RANBP3L: variants seen among roughly 807,000 people sequenced by gnomAD.
RANBP3L encodes RAN binding protein 3 like, also known as ran-binding protein 3-like.
RANBP3L carries 56 observed loss-of-function variants against 67.2 expected under a neutral mutation model. The observed-to-expected ratio is 0.83, with a 90% CI of 0.67 to 1.04. The LOEUF (loss-of-function observed/expected upper bound fraction) is 1.04, where lower values mean the gene tolerates loss of function less well. RANBP3L is among the 50% of genes least tolerant of loss of function. The pLI is 0.00. For synonymous variants in RANBP3L, 164 were observed against 181.4 expected (o/e 0.90, Z 0.77); for missense variants, 496 against 535.5 (o/e 0.93, Z 0.73).
chr5:36,272,226 C>T (rs187159643), intron 1 of RANBP3L, among the ~76,000 whole-genome samples: 129 of 152,030 alleles, frequency 8.5e-4, no homozygotes, highest in African/African-American at 3.0e-3. Flanking sequence ...TTAACAAAAA[C>T]AAAAAAGCCT....
intron 1 of RANBP3L, among the ~76,000 whole-genome samples, chr5:36,286,845 T>C (rs1047411325): frequency 6.6e-6 from 1 of 152,210 alleles, no homozygotes; most frequent in Non-Finnish European, 1.5e-5. Flanking sequence ...CTCCCTCACC[T>C]CTTACAGGTC....
intron 1 of RANBP3L, among the ~76,000 whole-genome samples, chr5:36,289,518 C>T (rs1043056683): frequency 3.9e-5 from 6 of 152,106 alleles, no homozygotes; most frequent in Non-Finnish European, 7.4e-5. Flanking sequence ...TTGAGCATTC[C>T]AATTCATGAA....
chr5:36,275,212 T>C (rs868754748), intron 1 of RANBP3L, among the ~76,000 whole-genome samples: 11 of 152,326 alleles, frequency 7.2e-5, no homozygotes, highest in Middle Eastern at 6.8e-3. Flanking sequence ...ACACTGTGGG[T>C]CAAGTGCTTT....
intron 3 of RANBP3L, 71 bp downstream of exon 3, chr5:36,269,880 C>A: frequency 7.9e-7 from 1 of 1,262,824 alleles, no homozygotes; most frequent in Non-Finnish European, 1.2e-6. Context: ...GTGCCACATG[C>A]CAAAATACTT....
At chr5:36,296,141 C>T (rs138016291) in intron 1 of RANBP3L, among the ~76,000 whole-genome samples, 216 of 152,176 alleles carry the variant, frequency 1.4e-3, no homozygotes, top group African/African-American at 5.0e-3. Context: ...CATTTGTATA[C>T]CTTATAATGA....
intron 4 of RANBP3L, among the ~76,000 whole-genome samples, chr5:36,267,713 T>C (rs1376070330): frequency 6.6e-6 from 1 of 152,184 alleles, no homozygotes; most frequent in Non-Finnish European, 1.5e-5. Flanking sequence ...TTTCAAATAT[T>C]TTATTATGAT....
At chr5:36,250,487 A>G (rs1223245188) in intron 13 of RANBP3L, among the ~76,000 whole-genome samples, 3 of 152,050 alleles carry the variant, frequency 2.0e-5, no homozygotes, top group East Asian at 3.8e-4. Flanking sequence ...CTTAAATTAC[A>G]TATGATTAAA....
intron 1 of RANBP3L, among the ~76,000 whole-genome samples, chr5:36,286,953 T>C (rs532477960): frequency 6.6e-6 from 1 of 152,288 alleles, no homozygotes; most frequent in East Asian, 1.9e-4. Context: ...TAATTTTTTT[T>C]CCATAATTCC....
rs1160179745 is a variant in RANBP3L, at chr5:36,256,940, C to A, written c.903+1G>T. 7 of 1,611,954 alleles carry A rather than the reference C, an allele frequency of 4.3e-6. No individual in the cohort carries two copies. The East Asian group carries it at 1.1e-4, about 26-fold the overall frequency. On this transcript the variant is annotated splice_donor_variant, in intron 10 of 13. Coordinates refer to ENST00000296604, the MANE Select transcript of RANBP3L (RefSeq NM_145000.5). LOFTEE classifies it high-confidence loss of function. ...GAAAGAGTAAAACATGATATACAGA[C>A]CTTTAACACATTATGTTCTGTTTCC...
At chr5:36,252,554 T>C (rs1748669091) in intron 12 of RANBP3L, among the ~76,000 whole-genome samples, 1 of 152,112 alleles carries the variant, frequency 6.6e-6, no homozygotes, top group South Asian at 2.1e-4. Context: ...CCGAAGGTTA[T>C]ACGGTATGTA....
In RANBP3L at chr5:36,254,871, T is replaced by A. The variant is rs1211186466; in HGVS notation, c.1024+599A>T. ...TATTTTGAATGCTAGCTCTCTTGTA[T>A]TTTTAGGTTTGACTGGCTCCAGCTT... is the stretch of plus-strand genomic sequence containing the variant. On this transcript the variant is annotated intron_variant, in intron 11 of 13. Coordinates refer to ENST00000296604, the MANE Select transcript of RANBP3L (RefSeq NM_145000.5). Among the ~76,000 whole-genome samples, 9 of 152,188 alleles carry A rather than the reference T, an allele frequency of 5.9e-5. No homozygotes were observed. In the East Asian group the frequency reaches 1.7e-3, roughly 29 times the overall value.
At chr5:36,299,865 A>C (rs1426801383) in intron 1 of RANBP3L, among the ~76,000 whole-genome samples, 1 of 152,256 alleles carries the variant, frequency 6.6e-6, no homozygotes, top group Non-Finnish European at 1.5e-5. Flanking sequence ...AAAGCAGTTT[A>C]CAAAACACTG....
intron 6 of RANBP3L, 78 bp downstream of exon 6, chr5:36,264,880 TG>T: frequency 7.7e-7 from 1 of 1,304,558 alleles, no homozygotes; most frequent in Non-Finnish European, 1.1e-6. Context: ...CTCCTATTTC[TG>T]GATATGGGGG....
chr5:36,253,194 T>A (rs182137437), intron 12 of RANBP3L, among the ~76,000 whole-genome samples: 1 of 152,080 alleles, frequency 6.6e-6, no homozygotes, highest in Non-Finnish European at 1.5e-5. Flanking sequence ...GAATTTGCTG[T>A]TGGACTGGTT....
At chr5:36,282,739 A>G (rs1751055384) in intron 1 of RANBP3L, among the ~76,000 whole-genome samples, 1 of 152,170 alleles carries the variant, frequency 6.6e-6, no homozygotes, top group Admixed American at 6.5e-5. Flanking sequence ...GCTGCCATCC[A>G]AAGCCCGACT....
intron 1 of RANBP3L, among the ~76,000 whole-genome samples, chr5:36,296,738 G>A (rs144454405): frequency 1.3e-3 from 193 of 152,146 alleles, no homozygotes; most frequent in Non-Finnish European, 2.1e-3. Context: ...TGAATGTTTC[G>A]GTGAGGATGT....
intron 12 of RANBP3L, among the ~76,000 whole-genome samples, chr5:36,253,222 CTG>C (rs1748721522): frequency 6.6e-6 from 1 of 152,002 alleles, no homozygotes; most frequent in African/African-American, 2.4e-5. Context: ...CTTGCTAGCT[CTG>C]TGTTTTTCCA....
At chr5:36,256,462 G>A (rs7716771) in intron 10 of RANBP3L, among the ~76,000 whole-genome samples, 123,988 of 152,036 alleles carry the variant, frequency 0.82, 53,197 homozygotes, top group Non-Finnish European at 0.96. Flanking sequence ...TTAAAATCCT[G>A]TGATACTGTA....
intron 1 of RANBP3L, among the ~76,000 whole-genome samples, chr5:36,283,131 C>T (rs1751084111): frequency 6.6e-6 from 1 of 152,086 alleles, no homozygotes; most frequent in African/African-American, 2.4e-5. Flanking sequence ...TCAGTTGGCT[C>T]ACTACAACCT....
Sources: allele counts gnomAD v4.1 joint callset (sites outside exome capture counted in the v4.1 genomes callset), GRCh38; gene constraint gnomAD v4.1.1; transcripts MANE v1.5; gene names NCBI Gene and HGNC (gene_info 2026-07-23, HGNC 2026-07-21).